ZMIZ1: variants seen among roughly 807,000 people sequenced by gnomAD.
ZMIZ1 encodes the protein zinc finger MIZ domain-containing protein 1.
Under a neutral mutation model 113.9 loss-of-function variants are expected in ZMIZ1, and 17 were observed. The ratio of observed to expected loss-of-function variants is 0.15; its 90% confidence interval spans 0.10 to 0.22. The LOEUF (loss-of-function observed/expected upper bound fraction) is 0.22. Among genes scored for constraint, ZMIZ1 ranks in the 10% least tolerant of loss-of-function variants. The probability of loss-of-function intolerance (pLI) is 1.00; values close to 1 mark genes in which losing one functional copy is unlikely to be tolerated. For missense variants in ZMIZ1, 1,059 were observed against 1,477.8 expected (o/e 0.72, Z 4.65); for synonymous variants, 607 against 603.1 (o/e 1.01, Z -0.09).
chr10:79,160,925 C>T (rs1161079498), intron 3 of ZMIZ1, among the ~76,000 whole-genome samples: 6 of 152,246 alleles, frequency 3.9e-5, no homozygotes, highest in Non-Finnish European at 7.3e-5. Context: ...GGCCTTGCAT[C>T]GGGGCACCTT....
At chr10:79,289,986 T>G in intron 9 of ZMIZ1, 97 bp downstream of exon 9, 8 of 1,214,350 alleles carry the variant, frequency 6.6e-6, no homozygotes, top group Non-Finnish European at 9.4e-6. Context: ...TCACAGGCCT[T>G]GCCCTGCTGG....
intron 7 of ZMIZ1, among the ~76,000 whole-genome samples, chr10:79,247,201 C>T (rs963425049): frequency 9.8e-5 from 15 of 152,340 alleles, no homozygotes; most frequent in Non-Finnish European, 1.9e-4. Flanking sequence ...CAAGGCCCAT[C>T]AGGGCAGCTT....
intron 18 of ZMIZ1, among the ~76,000 whole-genome samples, chr10:79,302,681 C>CT (rs758621365): frequency 0.026 from 1,070 of 41,758 alleles, 43 homozygotes; most frequent in African/African-American, 0.042. Context: ...ACAGCTCATG[C>CT]TTTTTTTTTT....
chr10:79,096,552 A>C (rs943285232), intron 1 of ZMIZ1, among the ~76,000 whole-genome samples: 11 of 152,238 alleles, frequency 7.2e-5, no homozygotes, highest in African/African-American at 2.7e-4. Context: ...AGACGGCTTC[A>C]AAGAACCTCC....
rs1854705821 is a variant in ZMIZ1, at chr10:79,306,451, AAG to A, written c.2668+115_2668+116del. On this transcript the variant is annotated intron_variant, in intron 22 of 24. Transcript: ENST00000334512. ...GTGGCAGGGGTCGGGGGTGTGGTTGAAGAGAGAGAAGTAACACATCCCCCAAA... is the reference window on the plus strand; with the variant it reads ...GTGGCAGGGGTCGGGGGTGTGGTTGAAGAGAGAAGTAACACATCCCCCAAA... 10 of 1,502,908 alleles carry A rather than the reference AAG, an allele frequency of 6.7e-6. No individual in the cohort carries two copies. The South Asian group carries it at 1.3e-4, about 19-fold the overall frequency. The allele number at this position is 1,502,908 out of a possible 1,614,324, so 93.1% of individuals were successfully genotyped here.
chr10:79,085,103 G>A (rs938168390), intron 1 of ZMIZ1, among the ~76,000 whole-genome samples: 4 of 152,172 alleles, frequency 2.6e-5, no homozygotes, highest in African/African-American at 9.6e-5. Flanking sequence ...TCCTGTGGTG[G>A]CCCCAGAGGC....
intron 7 of ZMIZ1, among the ~76,000 whole-genome samples, chr10:79,255,187 T>C (rs1850807821): frequency 6.6e-6 from 1 of 152,216 alleles, no homozygotes; most frequent in South Asian, 2.1e-4. Flanking sequence ...CTCACGACAC[T>C]GCCCTGCTCC....
chr10:79,293,843 C>T (rs1325265922), intron 12 of ZMIZ1, 190 bp downstream of exon 12: 10 of 840,410 alleles, frequency 1.2e-5, no homozygotes, highest in Non-Finnish European at 1.9e-5. Flanking sequence ...TGAAAGACCT[C>T]GAGCCAGTCA....
At chr10:79,262,037 A>G (rs1034529690) in intron 7 of ZMIZ1, among the ~76,000 whole-genome samples, 16 of 152,358 alleles carry the variant, frequency 1.1e-4, no homozygotes, top group Middle Eastern at 3.4e-3. Context: ...CCACAGCAGT[A>G]TCAGCGAACG....
intron 3 of ZMIZ1, among the ~76,000 whole-genome samples, chr10:79,145,207 T>C (rs976657805): frequency 6.6e-6 from 1 of 152,112 alleles, no homozygotes; most frequent in African/African-American, 2.4e-5. Context: ...TCTTCCTCCC[T>C]TTCTGTGTCT....
intron 7 of ZMIZ1, among the ~76,000 whole-genome samples, chr10:79,222,814 G>A (rs973368343): frequency 3.9e-5 from 6 of 152,180 alleles, no homozygotes; most frequent in African/African-American, 1.4e-4. Context: ...GAAAGACCCT[G>A]ACCCCAAGGG....
intron 8 of ZMIZ1, among the ~76,000 whole-genome samples, chr10:79,284,801 C>G (rs1250570): frequency 1.3e-5 from 2 of 152,202 alleles, no homozygotes; most frequent in African/African-American, 4.8e-5. Flanking sequence ...CCTGCTGGGC[C>G]TCCCTCTGTC....
intron 8 of ZMIZ1, among the ~76,000 whole-genome samples, chr10:79,281,691 A>T (rs1323443785): frequency 6.6e-6 from 1 of 152,218 alleles, no homozygotes; most frequent in Non-Finnish European, 1.5e-5. Flanking sequence ...ACTGGTGGCT[A>T]ACCAGTCGGT....
chr10:79,209,088 G>A (rs1302314590), intron 6 of ZMIZ1, among the ~76,000 whole-genome samples: 1 of 152,100 alleles, frequency 6.6e-6, no homozygotes, highest in Non-Finnish European at 1.5e-5. Flanking sequence ...TGGGTGGCGG[G>A]GCAGGGTGCA....
intron 7 of ZMIZ1, among the ~76,000 whole-genome samples, chr10:79,222,133 C>T (rs974947845): frequency 1.3e-5 from 2 of 152,168 alleles, no homozygotes; most frequent in African/African-American, 2.4e-5. Context: ...CACAGACTGG[C>T]TGCTCATAGG....
At chr10:79,077,978 AC>A (rs1033247981) in intron 1 of ZMIZ1, among the ~76,000 whole-genome samples, 1 of 152,184 alleles carries the variant, frequency 6.6e-6, no homozygotes, top group African/African-American at 2.4e-5. Context: ...GCCTGCTGGC[AC>A]CTAGGCTTCC....
chr10:79,301,001 G>A, intron 17 of ZMIZ1, 59 bp downstream of exon 17: 2 of 1,589,782 alleles, frequency 1.3e-6, no homozygotes, highest in Non-Finnish European at 1.7e-6. Context: ...CACGGCATGA[G>A]AGTGCGGAAT....
intron 9 of ZMIZ1, 31 bp downstream of exon 9, chr10:79,289,920 T>G (rs1370426667): frequency 6.3e-7 from 1 of 1,599,012 alleles, no homozygotes; most frequent in African/African-American, 1.3e-5. Flanking sequence ...CAGCCACAGC[T>G]CTTTCTAGGC....
chr10:79,210,256 G>A (rs1848480570), intron 6 of ZMIZ1, among the ~76,000 whole-genome samples: 1 of 152,210 alleles, frequency 6.6e-6, no homozygotes, highest in South Asian at 2.1e-4. Flanking sequence ...TATCTAGGAT[G>A]TGGGGACTTG....
Sources: gnomAD v4.1 joint callset for allele counts (sites outside exome capture counted in the v4.1 genomes callset) on GRCh38, gnomAD v4.1.1 for gene constraint, MANE v1.5 for transcripts, NCBI Gene and HGNC (gene_info 2026-07-23, HGNC 2026-07-21) for gene names.